The following ADCY7 variants were observed in gnomAD, a reference collection of about 807,000 sequenced individuals.
ADCY7 encodes the protein adenylate cyclase 7, also known as adenylate cyclase type 7.
In ADCY7, 72 loss-of-function variants were observed where a neutral mutation model predicts 120.6. The ratio of observed to expected loss-of-function variants is 0.60; its 90% CI spans 0.49 to 0.73. ADCY7 has a LOEUF of 0.73. ADCY7 is among the 30% of genes least tolerant of loss of function. The pLI is 0.00. For missense variants in ADCY7, 1,227 were observed against 1,486.0 expected, an observed-to-expected ratio of 0.83 and a Z score of 2.87; for synonymous variants, 661 against 628.0, an observed-to-expected ratio of 1.05 and a Z score of -0.78.
chr16:50,288,846 T>G (rs2034752461), intron 2 of ADCY7, among the ~76,000 whole-genome samples: 2 of 152,270 alleles, frequency 1.3e-5, no homozygotes, highest in South Asian at 4.2e-4. Flanking sequence ...AAATTTTTTT[T>G]GAGACTGGGC....
chr16:50,288,838 A>AT (rs926185371), intron 2 of ADCY7, among the ~76,000 whole-genome samples: 1 of 151,920 alleles, frequency 6.6e-6, no homozygotes, highest in South Asian at 2.1e-4. Flanking sequence ...ATTTAAAAAA[A>AT]TTTTTTTTGA....
rs367714919 is a variant in ADCY7 at position 50,288,317 on chromosome 16, C to T, written c.138C>T (p.Cys46=). ...TCCTGCTGGTGGCCGCCACTGCCTG[C>T]GTGGCCCTCATCATCATTGCCTTCA... The part of the protein sequence containing the change: ...LTLLLVAATA[C]VALIIIAFSQ... The change falls in exon 2 of 26, where the codon TGC becomes TGT. Residue 46 remains cysteine, a synonymous_variant. Transcript: ENST00000673801. The T allele has an allele frequency of 2.8e-5, 44 of 1,550,274 alleles. No individual in the cohort carries two copies. In the African/African-American group the frequency reaches 3.1e-4, roughly 11 times the overall value.
At chr16:50,290,352 C>G in intron 2 of ADCY7, 105 bp from the exon 3 acceptor site, 7 of 1,260,538 alleles carry the variant, frequency 5.6e-6, no homozygotes, top group Non-Finnish European at 7.8e-6. Context: ...ACACCCTTCA[C>G]GTGGAGGAAG....
At chr16:50,312,312 CG>C in intron 21 of ADCY7, 121 bp downstream of exon 21, 1 of 1,135,744 alleles carries the variant, frequency 8.8e-7, no homozygotes, top group South Asian at 1.4e-5. Context: ...CTGGCCTCAC[CG>C]GGATGCCCAG....
At chr16:50,251,717 G>A (rs1172261562) in intron 1 of ADCY7, among the ~76,000 whole-genome samples, 1 of 152,196 alleles carries the variant, frequency 6.6e-6, no homozygotes, top group African/African-American at 2.4e-5. Flanking sequence ...CAGAGCTCGG[G>A]CCTCCAGTGT....
chr16:50,302,137 AC>A (rs1388782723), intron 10 of ADCY7, among the ~76,000 whole-genome samples: 3 of 92,962 alleles, frequency 3.2e-5, no homozygotes, highest in Non-Finnish European at 6.7e-5. Context: ...TGTCCCCCTC[AC>A]CCCACCTGGT....
intron 1 of ADCY7, chr16:50,279,757 C>T (rs2034132893): frequency 6.6e-6 from 1 of 152,208 alleles, no homozygotes; most frequent in Non-Finnish European, 1.5e-5. Context: ...TTAGAATGGG[C>T]ATGAGACATA....
chr16:50,296,862 C>G (rs2035386582), intron 7 of ADCY7, among the ~76,000 whole-genome samples: 1 of 152,216 alleles, frequency 6.6e-6, no homozygotes, highest in South Asian at 2.1e-4. Flanking sequence ...CTCTGGAAAA[C>G]TGTCCCATCC....
In ADCY7 at chr16:50,309,589, T is replaced by C. The variant is rs1018334681; in HGVS notation, c.2103T>C (p.Asn701=). 6.8e-6 allele frequency: 11 copies of C among 1,613,564 alleles called. No individual in the cohort carries two copies. Among genetic ancestry groups the C allele is most frequent in the Non-Finnish European group, 9.3e-6 (11 of 1,179,974 alleles). ...AAGTTCCAGAGCTGCCTGTTGGCAATGAGACAGGCCTACTGGCCGCGAGCA... is the reference window on the plus strand; with the variant it reads ...AAGTTCCAGAGCTGCCTGTTGGCAACGAGACAGGCCTACTGGCCGCGAGCA... The part of the protein sequence containing the change: ...PFQVPELPVG[N]ETGLLAASSK... The change falls in exon 18 of 26, where the codon AAT becomes AAC. Residue 701 remains asparagine, a synonymous_variant. Coordinates refer to ENST00000673801, the MANE Select transcript of ADCY7 (RefSeq NM_001114.5).
In ADCY7 at chr16:50,290,668, G is replaced by A; in HGVS notation, c.375+8G>A. The A allele has an allele frequency of 6.2e-7, 1 of 1,609,890 alleles. No individual in the cohort carries two copies. Among genetic ancestry groups the A allele is most frequent in the Non-Finnish European group, 8.5e-7 (1 of 1,177,052 alleles). On this transcript the variant is annotated splice_region_variant and intron_variant, in intron 3 of 25. Transcript: ENST00000673801. ...GCCTGTGCGTGGGAGCAGGTAACAG[G>A]AACTCTGGACTCCCTGCCAGCTGCG...
rs773039330 is a variant in ADCY7 at position 50,310,816 on chromosome 16, T to C, written c.2290T>C (p.Cys764Arg). 1.1e-5 allele frequency: 18 copies of C among 1,613,848 alleles called. No homozygotes were observed. In the African/African-American group the frequency reaches 2.1e-4, roughly 19 times the overall value. The change falls in exon 19 of 26, where the codon TGC (cysteine) becomes CGC (arginine). Residue 764 changes from cysteine to arginine, a missense_variant. This residue lies in a region of ADCY7 where 267 missense variants were observed against 270.0 expected (regional missense o/e 0.99). Transcript: ENST00000673801. The part of the protein sequence containing the change: ...AYLVLFNLSP[C>R]WQWDCCGQGL... ...CCTGGTGCTCTTCAACCTCTCCCCA[T>C]GCTGGCAGTGGGACTGCTGCGGCCA...
At chr16:50,265,174 T>C (rs2033165420), upstream of ADCY7, among the ~76,000 whole-genome samples, 1 of 152,198 alleles carries the variant, frequency 6.6e-6, no homozygotes, top group Non-Finnish European at 1.5e-5. Flanking sequence ...GAGTCTTTTG[T>C]CAGTCATATA....
At chr16:50,249,718 G>C (rs902280294) in intron 1 of ADCY7, among the ~76,000 whole-genome samples, 4 of 152,234 alleles carry the variant, frequency 2.6e-5, no homozygotes, top group African/African-American at 9.6e-5. Context: ...CTGCAGGTAA[G>C]CACATTCTTT....
intron 3 of ADCY7, among the ~76,000 whole-genome samples, chr16:50,290,988 A>G (rs2034915225): frequency 6.6e-6 from 1 of 152,156 alleles, no homozygotes; most frequent in Admixed American, 6.5e-5. Context: ...GGTAACTGGA[A>G]CTGGGGCCTC....
At chr16:50,246,778 T>C (rs112912634) in intron 1 of ADCY7, among the ~76,000 whole-genome samples, 2 of 152,144 alleles carry the variant, frequency 1.3e-5, no homozygotes, top group African/African-American at 4.8e-5. Context: ...CCCAGATGCC[T>C]TGCACATGAG....
chr16:50,286,163 A>G (rs1457614747), intron 1 of ADCY7, among the ~76,000 whole-genome samples: 3 of 151,770 alleles, frequency 2.0e-5, no homozygotes, highest in Non-Finnish European at 4.4e-5. Context: ...GAGGCTGAGG[A>G]GGGTAGATTG....
intron 1 of ADCY7, among the ~76,000 whole-genome samples, chr16:50,257,806 G>A (rs1030358495): frequency 7.3e-5 from 11 of 151,002 alleles, no homozygotes; most frequent in East Asian, 3.9e-4. Context: ...GCAGTGATGC[G>A]ATTTCGGTCC....
chr16:50,307,222 A>G (rs2036130567), intron 15 of ADCY7, 75 bp downstream of exon 15: 1 of 1,453,360 alleles, frequency 6.9e-7, no homozygotes, highest in African/African-American at 1.4e-5. Context: ...ACCTGCAAGG[A>G]GCTGTGTGAT....
chr16:50,251,778 G>C (rs3915616), intron 1 of ADCY7, among the ~76,000 whole-genome samples: 54,181 of 152,036 alleles, frequency 0.36, 9,956 homozygotes, highest in East Asian at 0.51. Flanking sequence ...GTCCCCGCCT[G>C]GCCTCCGGGG....
Sources: gnomAD v4.1 joint callset for allele counts (sites outside exome capture counted in the v4.1 genomes callset) on GRCh38, gnomAD v4.1.1 for gene constraint, gnomAD v4.1.1 regional missense constraint, MANE v1.5 for transcripts, NCBI Gene and HGNC (gene_info 2026-07-23, HGNC 2026-07-21) for gene names.